RBFOX1: variants seen among roughly 807,000 people sequenced by gnomAD.
RBFOX1 encodes RNA binding protein fox-1 homolog 1.
Under a neutral mutation model 57.7 loss-of-function variants are expected in RBFOX1, and 8 were observed. The observed-to-expected ratio is 0.14, with a 90% confidence interval of 0.08 to 0.25. The LOEUF is 0.25. RBFOX1 is among the 10% of genes least tolerant of loss of function. The pLI is 1.00. For synonymous variants in RBFOX1, 326 were observed against 222.4 expected (o/e 1.47, Z -4.15); for missense variants, 611 against 548.5 (o/e 1.11, Z -1.14).
At chr16:5,749,788 T>A (rs138665296) in intron 3 of RBFOX1, among the ~76,000 whole-genome samples, 1 of 151,542 alleles carries the variant, frequency 6.6e-6, no homozygotes, top group African/African-American at 2.4e-5. Context: ...TCAAGGTTTT[T>A]AGCTTCTTTG....
intron 4 of RBFOX1, among the ~76,000 whole-genome samples, chr16:7,311,048 C>A (rs1010029927): frequency 2.0e-5 from 3 of 152,188 alleles, no homozygotes; most frequent in African/African-American, 7.2e-5. Context: ...TTGCAAGGGG[C>A]AAGGCTAGAG....
chr16:6,007,265 G>A (rs2094933135), intron 4 of RBFOX1, among the ~76,000 whole-genome samples: 1 of 152,202 alleles, frequency 6.6e-6, no homozygotes, highest in Admixed American at 6.5e-5. Context: ...ATAAGAAGAA[G>A]TCAGTTTCCC....
chr16:6,655,040 T>G (rs1027257440), intron 3 of RBFOX1, among the ~76,000 whole-genome samples: 1 of 151,586 alleles, frequency 6.6e-6, no homozygotes, highest in Non-Finnish European at 1.5e-5. Context: ...ATATTAGGCT[T>G]CCCAGGGTGT....
intron 4 of RBFOX1, among the ~76,000 whole-genome samples, chr16:7,273,216 T>TC (rs2095369461): frequency 2.8e-5 from 3 of 105,424 alleles, no homozygotes; most frequent in African/African-American, 1.2e-4. Context: ...CTTCCTTCCT[T>TC]CCTTCCTTCC....
chr16:6,544,583 A>T (rs1434880949), intron 2 of RBFOX1, among the ~76,000 whole-genome samples: 3 of 152,186 alleles, frequency 2.0e-5, no homozygotes, highest in African/African-American at 7.2e-5. Flanking sequence ...GATCGTATTG[A>T]TTCAAATGCT....
At chr16:6,631,076 G>C (rs1016901316) in intron 2 of RBFOX1, among the ~76,000 whole-genome samples, 1 of 152,074 alleles carries the variant, frequency 6.6e-6, no homozygotes, top group South Asian at 2.1e-4. Flanking sequence ...GAGAGAGAGG[G>C]CATTTGGAGG....
intron 1 of RBFOX1, among the ~76,000 whole-genome samples, chr16:6,234,282 C>T (rs374428906): frequency 1.7e-4 from 26 of 152,226 alleles, no homozygotes; most frequent in Admixed American, 4.6e-4. Flanking sequence ...CTAAATTTCC[C>T]CTGTGTTATC....
At chr16:6,779,911 A>C (rs1376253742) in intron 3 of RBFOX1, among the ~76,000 whole-genome samples, 4 of 44,818 alleles carry the variant, frequency 8.9e-5, no homozygotes, top group African/African-American at 4.6e-4. Flanking sequence ...ATATATATTT[A>C]TATATTTATA....
chr16:5,548,328 T>C (rs1003179739), intron 2 of RBFOX1, among the ~76,000 whole-genome samples: 5 of 151,114 alleles, frequency 3.3e-5, no homozygotes, highest in Non-Finnish European at 7.4e-5. Flanking sequence ...TTCAGTGTCA[T>C]GCAATATACT....
intron 3 of RBFOX1, among the ~76,000 whole-genome samples, chr16:7,005,727 C>T (rs941051677): frequency 7.2e-5 from 11 of 152,148 alleles, no homozygotes; most frequent in African/African-American, 1.9e-4. Context: ...AAGACAAGAC[C>T]GCTAGGTGAT....
chr16:5,961,982 T>C (rs1379370278), intron 4 of RBFOX1, among the ~76,000 whole-genome samples: 3 of 152,224 alleles, frequency 2.0e-5, no homozygotes, highest in Non-Finnish European at 4.4e-5. Flanking sequence ...GGTAGCTCGA[T>C]GAAGGTATTG....
At chr16:5,399,911 T>A (rs2066665846) in intron 1 of RBFOX1, among the ~76,000 whole-genome samples, 1 of 152,026 alleles carries the variant, frequency 6.6e-6, no homozygotes, top group Admixed American at 6.5e-5. Flanking sequence ...TGATTTTATT[T>A]TTGATGGTAA....
At chr16:5,632,902 A>G (rs1348078452) in intron 3 of RBFOX1, among the ~76,000 whole-genome samples, 1 of 150,180 alleles carries the variant, frequency 6.7e-6, no homozygotes, top group African/African-American at 2.5e-5. Flanking sequence ...AACACAACCC[A>G]GGTCACCTGA....
chr16:6,098,712 C>A (rs2096272589), intron 1 of RBFOX1, among the ~76,000 whole-genome samples: 1 of 152,138 alleles, frequency 6.6e-6, no homozygotes, highest in South Asian at 2.1e-4. Flanking sequence ...ACTACGGGTA[C>A]AGATGTCCAG....
intron 2 of RBFOX1, among the ~76,000 whole-genome samples, chr16:6,465,632 G>A (rs973504579): frequency 1.0e-5 from 1 of 100,500 alleles, no homozygotes; most frequent in Admixed American, 9.6e-5. Flanking sequence ...GTGTGTGTGT[G>A]TGTGTATTTA....
rs2042086701 is a variant in RBFOX1 at position 7,029,203 on chromosome 16, CGT to C, written c.-15-22853_-15-22852del. 3.2e-4 allele frequency among the ~76,000 whole-genome samples: 15 copies of C among 47,584 alleles called. 5 individuals are homozygous for C. The highest frequency in any genetic ancestry group is 3.0e-3 in the Admixed American group (13 of 4,366). 31.2% of individuals were successfully genotyped at this position (47,584 alleles called of 152,430 possible). On this transcript the variant is annotated intron_variant, in intron 3 of 15. Transcript: ENST00000550418. ...ACGTGTATATATACACATATGTATACGTATACGTATATATATACACACATATA... is the reference window on the plus strand; with the variant it reads ...ACGTGTATATATACACATATGTATACATACGTATATATATACACACATATA...
chr16:7,156,045 AG>A (rs2152328991), intron 4 of RBFOX1, among the ~76,000 whole-genome samples: 1 of 152,058 alleles, frequency 6.6e-6, no homozygotes, highest in East Asian at 1.9e-4. Flanking sequence ...ACAGGTATAT[AG>A]GTATACATGT....
At chr16:7,024,701 A>T (rs1240763979) in intron 3 of RBFOX1, among the ~76,000 whole-genome samples, 1 of 152,116 alleles carries the variant, frequency 6.6e-6, no homozygotes, top group Non-Finnish European at 1.5e-5. Flanking sequence ...CCCAGGCACA[A>T]ATTCCTCAGC....
At chr16:7,179,802 T>G (rs2152513503) in intron 4 of RBFOX1, among the ~76,000 whole-genome samples, 1 of 152,256 alleles carries the variant, frequency 6.6e-6, no homozygotes, top group East Asian at 1.9e-4. Context: ...TGGCATGATC[T>G]CGGCTCACTG....
Sources: allele counts gnomAD v4.1 joint callset (sites outside exome capture counted in the v4.1 genomes callset), GRCh38; gene constraint gnomAD v4.1.1; transcripts MANE v1.5; gene names NCBI Gene and HGNC (gene_info 2026-07-23, HGNC 2026-07-21).